The following OVGP1 variants were observed in gnomAD, a reference collection of about 807,000 sequenced individuals.
OVGP1 encodes oviductal glycoprotein 1.
A neutral mutation model predicts 48.2 loss-of-function variants in OVGP1; 26 were observed. The observed-to-expected ratio is 0.54, with a 90% confidence interval of 0.40 to 0.75. The LOEUF (loss-of-function observed/expected upper bound fraction) is 0.75, where lower values mean the gene tolerates loss of function less well. Among genes scored for constraint, OVGP1 ranks in the 30% least tolerant of loss-of-function variants. OVGP1 has a pLI of 0.00. For missense variants in OVGP1, 791 were observed against 820.6 expected (o/e 0.96, Z 0.44); for synonymous variants, 294 against 305.7 (o/e 0.96, Z 0.40).
At chr1:111,427,176 G>A (rs1652420365) in intron 1 of OVGP1, 85 bp from the exon 2 acceptor site, 1 of 1,602,568 alleles carries the variant, frequency 6.2e-7, no homozygotes, top group East Asian at 2.2e-5. Flanking sequence ...GATTAGCAAG[G>A]GTGCCCACCA....
intron 8 of OVGP1, among the ~76,000 whole-genome samples, 196 bp from the exon 9 acceptor site, chr1:111,419,922 C>T (rs1652222124): frequency 6.6e-6 from 1 of 152,210 alleles, no homozygotes; most frequent in African/African-American, 2.4e-5. Context: ...TACTGTTACC[C>T]TTTCCTCTCT....
In OVGP1 at chr1:111,425,419, A is replaced by G; in HGVS notation, c.281T>C (p.Leu94Pro). 1.2e-6 allele frequency: 2 copies of G among 1,614,058 alleles called. No homozygotes were observed. The highest frequency in any genetic ancestry group is 1.7e-6 in the Non-Finnish European group (2 of 1,179,968). The change falls in exon 4 of 11, where the codon CTA (leucine) becomes CCA (proline). Residue 94 changes from leucine to proline, a missense_variant. By Grantham distance (98) the Leu-to-Pro change is moderately conservative (BLOSUM62 -3). Transcript: ENST00000369732. ...AAAGTTCCACCCGCCGATGGACAGT[A>G]GTGTTTTCAGCTCTCTGTTCCTATG... is the stretch of plus-strand genomic sequence containing the variant. ...LKERNRELKT[L>P]LSIGGWNFGT...
chr1:111,422,089 C>T (rs1158115325), intron 6 of OVGP1, among the ~76,000 whole-genome samples: 1 of 152,228 alleles, frequency 6.6e-6, no homozygotes. Context: ...TAAGGGTTTA[C>T]ACTGATTATC....
intron 2 of OVGP1, 39 bp downstream of exon 2, chr1:111,427,023 C>G: frequency 1.2e-6 from 2 of 1,614,014 alleles, no homozygotes; most frequent in Non-Finnish European, 1.7e-6. Flanking sequence ...CAGCCAGAGA[C>G]TCTCCCTGGC....
At position 111,421,692 on chromosome 1, in the gene OVGP1, A is replaced by G. The variant is rs774698070; in HGVS notation, c.609-19T>C. 2.1e-6 allele frequency: 3 copies of G among 1,450,346 alleles called. No homozygotes were observed. Among genetic ancestry groups the G allele is most frequent in the South Asian group, 2.3e-5 (2 of 87,320 alleles). The allele number at this position is 1,450,346 out of a possible 1,614,324, so 89.8% of individuals were successfully genotyped here. A position where few individuals can be genotyped will look rare whatever the true frequency, so the allele number is the denominator to read the frequency against. ...CAGGAGTCTGTAAGGGGCAGGAGGAAGAGATATAAAGACTGGGCTAGCCAG... is the reference window on the plus strand; with the variant it reads ...CAGGAGTCTGTAAGGGGCAGGAGGAGGAGATATAAAGACTGGGCTAGCCAG... On this transcript the variant is annotated intron_variant, in intron 6 of 10. Coordinates refer to ENST00000369732, the MANE Select transcript of OVGP1 (RefSeq NM_002557.4).
chr1:111,422,302 T>C (rs961493144), intron 6 of OVGP1, among the ~76,000 whole-genome samples: 5 of 151,472 alleles, frequency 3.3e-5, no homozygotes, highest in African/African-American at 9.8e-5. Context: ...TCCTCCCACA[T>C]TGAAACAATT....
At chr1:111,421,185 T>C in intron 8 of OVGP1, 91 bp downstream of exon 8, 1 of 1,206,270 alleles carries the variant, frequency 8.3e-7, no homozygotes, top group Non-Finnish European at 1.2e-6. Flanking sequence ...TCTACAGCTC[T>C]CACCCTTGCC....
intron 5 of OVGP1, 39 bp downstream of exon 5, chr1:111,423,504 A>C (rs757421997): frequency 1.2e-6 from 2 of 1,603,594 alleles, no homozygotes; most frequent in East Asian, 4.5e-5. Context: ...ATAAAAGTAG[A>C]ATCATTTCTG....
chr1:111,423,203 G>T, intron 5 of OVGP1, 152 bp from the exon 6 acceptor site: 3 of 892,226 alleles, frequency 3.4e-6, no homozygotes, highest in Non-Finnish European at 5.1e-6. Context: ...AGGCTCATGA[G>T]ACAGGCAGAT....
chr1:111,426,777 C>T (rs771964664), intron 2 of OVGP1, 136 bp from the exon 3 acceptor site: 1 of 1,548,424 alleles, frequency 6.5e-7, no homozygotes, highest in Non-Finnish European at 8.7e-7. Flanking sequence ...CTGAAGTACA[C>T]CTCAGAACTA....
chr1:111,417,632 C>A (rs1443067939), intron 9 of OVGP1, among the ~76,000 whole-genome samples: 2 of 152,080 alleles, frequency 1.3e-5, no homozygotes, highest in Non-Finnish European at 2.9e-5. Context: ...TACACACACA[C>A]ACACACATGC....
At position 111,421,306 on chromosome 1, in the gene OVGP1, G is replaced by C. The variant is rs369840124; in HGVS notation, c.873C>G (p.Thr291=). The stretch of plus-strand genomic sequence containing the variant: ...AATAAGCCAAGAAGCCTTCTTGCTT[G>C]GTGTACTTCCCTGGAGATGCTGGTC... ...AIGPASPGKY[T]KQEGFLAYFE... Residue 291 remains threonine (T), a synonymous_variant, in exon 8 of 11, where the codon ACC becomes ACG. Coordinates refer to ENST00000369732, the MANE Select transcript of OVGP1 (RefSeq NM_002557.4). 7 of 1,610,416 alleles carry C rather than the reference G, an allele frequency of 4.3e-6. No homozygotes were observed. The highest frequency in any genetic ancestry group is 5.9e-6 in the Non-Finnish European group (7 of 1,178,862).
chr1:111,415,422 C>A, intron 10 of OVGP1, 78 bp from the exon 11 acceptor site: 3 of 1,317,366 alleles, frequency 2.3e-6, no homozygotes, highest in Non-Finnish European at 3.1e-6. Context: ...GAACTAGAAC[C>A]AATCCAGGGC....
In OVGP1 at chr1:111,427,314, A is replaced by G. The variant is rs79416260; in HGVS notation, c.26-223T>C. On this transcript the variant is annotated intron_variant, in intron 1 of 10. Coordinates refer to ENST00000369732, the MANE Select transcript of OVGP1 (RefSeq NM_002557.4). ...CCTTTTCTTTTTGATAAACATGTGT[A>G]TATGCTCATGCTTTGCCCAGGGACA... 4.0e-4 allele frequency: 393 copies of G among 985,394 alleles called. 1 individual carries two copies. In the African/African-American group the frequency reaches 5.8e-3, roughly 14 times the overall value. 61.0% of individuals were successfully genotyped at this position (985,394 alleles called of 1,614,324 possible).
At chr1:111,426,988 G>C in intron 2 of OVGP1, 74 bp downstream of exon 2, 3 of 1,612,072 alleles carry the variant, frequency 1.9e-6, no homozygotes, top group Non-Finnish European at 2.5e-6. Context: ...TGGGCTGCAG[G>C]GGACACTCAA....
chr1:111,425,261 T>A (rs914615352), intron 4 of OVGP1, 122 bp downstream of exon 4: 14 of 1,076,908 alleles, frequency 1.3e-5, no homozygotes, highest in Non-Finnish European at 1.9e-5. Flanking sequence ...GATTCATGAG[T>A]TGGGGAAGTA....
At chr1:111,427,389 A>G in intron 1 of OVGP1, 1 of 984,094 alleles carries the variant, frequency 1.0e-6, no homozygotes, top group Middle Eastern at 5.2e-4. Context: ...GTGGTTCTGA[A>G]CCCTGGCTGC....
Position 111,419,597 on chromosome 1 carries a change from G to A in OVGP1, c.1020+13C>T. 6.8e-7 allele frequency: 1 copy of A among 1,480,932 alleles called. No homozygotes were observed. The highest frequency in any genetic ancestry group is 9.4e-7 in the Non-Finnish European group (1 of 1,058,920). The allele number at this position is 1,480,932 out of a possible 1,614,324, so 91.7% of individuals were successfully genotyped here. A position where few individuals can be genotyped will look rare whatever the true frequency, so the allele number is the denominator to read the frequency against. On this transcript the variant is annotated intron_variant, in intron 9 of 10. Coordinates refer to ENST00000369732, the MANE Select transcript of OVGP1 (RefSeq NM_002557.4). ...AAACCATGTGCTGGAGCATGAAAGAGCCAGGGTCTCACCTTGTAACTGAAG... is the reference window on the plus strand; with the variant it reads ...AAACCATGTGCTGGAGCATGAAAGAACCAGGGTCTCACCTTGTAACTGAAG...
chr1:111,420,032 A>G (rs1353658700), intron 8 of OVGP1, among the ~76,000 whole-genome samples: 1 of 151,628 alleles, frequency 6.6e-6, no homozygotes, highest in African/African-American at 2.4e-5. Context: ...TAAGAGTAAC[A>G]TACATGATCC....
Sources: gnomAD v4.1 joint callset for allele counts (sites outside exome capture counted in the v4.1 genomes callset) on GRCh38, gnomAD v4.1.1 for gene constraint, MANE v1.5 for transcripts, NCBI Gene and HGNC (gene_info 2026-07-23, HGNC 2026-07-21) for gene names.